The following LMNB1 variants were observed in gnomAD, a reference collection of about 807,000 sequenced individuals.
LMNB1 encodes the protein lamin B1.
In LMNB1, 23 loss-of-function variants were observed where a neutral mutation model predicts 67.1. The ratio of observed to expected loss-of-function variants is 0.34; its 90% CI spans 0.25 to 0.49. The LOEUF (loss-of-function observed/expected upper bound fraction) is 0.49. Among genes scored for constraint, LMNB1 ranks in the 20% least tolerant of loss-of-function variants. LMNB1 has a pLI of 0.99. For missense variants in LMNB1, 634 were observed against 746.5 expected (o/e 0.85, Z 1.76); for synonymous variants, 281 against 282.9 (o/e 0.99, Z 0.07).
chr5:126,814,543 T>G (rs1230670241), intron 5 of LMNB1, among the ~76,000 whole-genome samples: 1 of 151,616 alleles, frequency 6.6e-6, no homozygotes, highest in Non-Finnish European at 1.5e-5. Flanking sequence ...CAAGTTGGTT[T>G]TTTTTTTTTT....
intron 8 of LMNB1, among the ~76,000 whole-genome samples, chr5:126,825,043 A>G (rs1156242807): frequency 1.3e-5 from 2 of 152,168 alleles, no homozygotes; most frequent in Non-Finnish European, 2.9e-5. Context: ...TTGCAGTCAT[A>G]AAGTCTTTTA....
intron 1 of LMNB1, among the ~76,000 whole-genome samples, chr5:126,803,588 C>T (rs2126708634): frequency 6.7e-6 from 1 of 150,006 alleles, no homozygotes; most frequent in Non-Finnish European, 1.5e-5. Flanking sequence ...TCTCTGTCAC[C>T]CAGGCTGGAG....
chr5:126,815,426 A>G (rs1312199858), intron 5 of LMNB1, among the ~76,000 whole-genome samples: 2 of 152,222 alleles, frequency 1.3e-5, no homozygotes, highest in African/African-American at 4.8e-5. Context: ...TTGGTTGGTT[A>G]GAGTCTGCTT....
intron 1 of LMNB1, among the ~76,000 whole-genome samples, chr5:126,788,452 C>G (rs965743151): frequency 2.0e-5 from 3 of 152,260 alleles, no homozygotes; most frequent in African/African-American, 7.2e-5. Context: ...GCCTGGGCAA[C>G]ATGGCGAAAC....
chr5:126,826,864 G>C (rs1043460506), intron 9 of LMNB1, among the ~76,000 whole-genome samples: 7 of 152,198 alleles, frequency 4.6e-5, no homozygotes, highest in Admixed American at 3.9e-4. Context: ...ATTGCCATAA[G>C]CATGTTAATG....
intron 9 of LMNB1, among the ~76,000 whole-genome samples, chr5:126,829,734 G>A (rs1279048939): frequency 2.6e-5 from 4 of 152,142 alleles, no homozygotes; most frequent in Non-Finnish European, 5.9e-5. Flanking sequence ...GGTGGGTCAC[G>A]TGCCCACCTC....
intron 3 of LMNB1, among the ~76,000 whole-genome samples, chr5:126,808,613 A>C (rs1751510764): frequency 6.6e-6 from 1 of 152,158 alleles, no homozygotes; most frequent in African/African-American, 2.4e-5. Flanking sequence ...GACAAAGAAC[A>C]AACCATTAGC....
At chr5:126,783,179 G>A (rs913252359) in intron 1 of LMNB1, among the ~76,000 whole-genome samples, 2 of 151,838 alleles carry the variant, frequency 1.3e-5, no homozygotes, top group Non-Finnish European at 2.9e-5. Context: ...CAGCTTGGGC[G>A]ACAGAGCGAG....
intron 9 of LMNB1, among the ~76,000 whole-genome samples, chr5:126,827,074 C>T (rs561790740): frequency 8.1e-4 from 124 of 152,288 alleles, no homozygotes; most frequent in Non-Finnish European, 1.6e-3. Flanking sequence ...CTGTTTGTAC[C>T]TTACAACCTG....
chr5:126,781,655 C>G (rs1316343935), intron 1 of LMNB1, among the ~76,000 whole-genome samples: 4 of 152,058 alleles, frequency 2.6e-5, no homozygotes, highest in Non-Finnish European at 5.9e-5. Context: ...AGGCTGGTCT[C>G]CAACTCCTGA....
intron 9 of LMNB1, among the ~76,000 whole-genome samples, chr5:126,829,374 T>G (rs951837151): frequency 1.3e-5 from 2 of 151,980 alleles, no homozygotes; most frequent in East Asian, 3.9e-4. Context: ...ATTTGCTTTT[T>G]GTGGGAAGGT....
rs551507919 is a variant in LMNB1 at position 126,809,993 on chromosome 5, A to G, written c.643-187A>G. 9.9e-5 allele frequency among the ~76,000 whole-genome samples: 12 copies of G among 121,084 alleles called. No homozygotes were observed. In the South Asian group the frequency reaches 3.3e-3, roughly 33 times the overall value. 79.4% of individuals were successfully genotyped at this position (121,084 alleles called of 152,430 possible). ...GGCTTGAGATGCTACCACTTCTGTC[A>G]TTAGTTCCATTTCAAAAACCTCAAC... On this transcript the variant is annotated intron_variant, in intron 3 of 10. Coordinates refer to ENST00000261366, the MANE Select transcript of LMNB1 (RefSeq NM_005573.4).
intron 1 of LMNB1, among the ~76,000 whole-genome samples, chr5:126,784,895 C>T (rs1750728773): frequency 6.6e-6 from 1 of 151,534 alleles, no homozygotes; most frequent in Non-Finnish European, 1.5e-5. Flanking sequence ...ATCTCCTGAC[C>T]TCGTGATCCG....
intron 1 of LMNB1, among the ~76,000 whole-genome samples, chr5:126,799,078 C>T (rs1261742738): frequency 2.7e-5 from 4 of 145,954 alleles, no homozygotes; most frequent in Admixed American, 7.0e-5. Flanking sequence ...AGTGCAGTGG[C>T]GCAATCTCGG....
chr5:126,815,267 A>C (rs1210780786), intron 5 of LMNB1: 2 of 152,294 alleles, frequency 1.3e-5, no homozygotes, highest in East Asian at 3.9e-4. Context: ...GTACTTCTTA[A>C]ATTTTACTTA....
intron 1 of LMNB1, among the ~76,000 whole-genome samples, chr5:126,800,546 C>T (rs1337951367): frequency 6.7e-6 from 1 of 149,268 alleles, no homozygotes; most frequent in East Asian, 2.0e-4. Flanking sequence ...AAGGAGCTTG[C>T]ATATTTCTTG....
intron 1 of LMNB1, among the ~76,000 whole-genome samples, chr5:126,795,933 CTTTTTT>C (rs70997314): frequency 3.7e-5 from 3 of 82,084 alleles, no homozygotes; most frequent in Non-Finnish European, 6.9e-5. Context: ...GCCCAGGATG[CTTTTTT>C]TTTTTTTTTT....
chr5:126,825,703 G>A (rs1350812848), intron 8 of LMNB1, among the ~76,000 whole-genome samples: 2 of 152,168 alleles, frequency 1.3e-5, no homozygotes, highest in African/African-American at 4.8e-5. Context: ...CTAAAGTAAG[G>A]TAACTTGCTC....
intron 5 of LMNB1, among the ~76,000 whole-genome samples, chr5:126,816,153 A>G (rs573766942): frequency 9.9e-5 from 15 of 152,184 alleles, no homozygotes; most frequent in African/African-American, 3.4e-4. Flanking sequence ...TAGCGGGGAA[A>G]TGGATTTCTC....
Sources: allele counts gnomAD v4.1 joint callset (sites outside exome capture counted in the v4.1 genomes callset), GRCh38; gene constraint gnomAD v4.1.1; transcripts MANE v1.5; gene names NCBI Gene and HGNC (gene_info 2026-07-23, HGNC 2026-07-21).